Variants in ASH1L observed in about 807,000 individuals in gnomAD.
ASH1L encodes the protein ASH1 like histone lysine methyltransferase.
In ASH1L, 23 loss-of-function variants were observed where a neutral mutation model predicts 269.0. The ratio of observed to expected loss-of-function variants is 0.09; its 90% CI spans 0.06 to 0.12. The LOEUF is 0.12. Among genes scored for constraint, ASH1L ranks in the 10% least tolerant of loss-of-function variants. The pLI is 1.00. For missense variants in ASH1L, 2,912 were observed against 3,567.8 expected (o/e 0.82, Z 4.68); for synonymous variants, 1,187 against 1,253.5 (o/e 0.95, Z 1.12).
intron 1 of ASH1L, among the ~76,000 whole-genome samples, chr1:155,533,018 G>A (rs1184959064): frequency 6.6e-6 from 1 of 151,042 alleles, no homozygotes; most frequent in South Asian, 2.1e-4. Flanking sequence ...GGTCTGGTCT[G>A]AGATACAGAA....
chr1:155,521,433 GC>G lies in ASH1L; in HGVS notation c.86del (p.Gly29AlafsTer9), dbSNP rs769496722. ...CTACTTCTCTCTTACTGACCAATGT[GC>G]CAGTACTGATGGCAGAAGGACTCTT... Reference protein sequence around the residue: ...SRKSPSAISTGTLVSKREVEL... With the variant: ...SRKSPSAISTXTLVSKREVEL... On this transcript the variant is annotated frameshift_variant, in exon 2 of 28. Transcript: ENST00000392403. LOFTEE classifies it high-confidence loss of function. The G allele has an allele frequency of 6.2e-7, 1 of 1,613,902 alleles. No individual in the cohort carries two copies. Among genetic ancestry groups the G allele is most frequent in the South Asian group, 1.1e-5 (1 of 91,064 alleles).
chr1:155,534,245 A>G, intron 1 of ASH1L, among the ~76,000 whole-genome samples: 1 of 150,796 alleles, frequency 6.6e-6, no homozygotes, highest in Non-Finnish European at 1.5e-5. Context: ...GACAATAACA[A>G]GATACAAGCC....
At chr1:155,344,794 A>AC (rs1653105339) in intron 21 of ASH1L, among the ~76,000 whole-genome samples, 1 of 152,160 alleles carries the variant, frequency 6.6e-6, no homozygotes, top group Non-Finnish European at 1.5e-5. Flanking sequence ...CAAGCCACTT[A>AC]CCCTCTCTCC....
intron 15 of ASH1L, among the ~76,000 whole-genome samples, 155 bp downstream of exon 15, chr1:155,357,161 A>G (rs1396455162): frequency 2.2e-5 from 3 of 138,022 alleles, no homozygotes; most frequent in East Asian, 2.4e-4. Context: ...AAAAAAAAAG[A>G]TTGTATTTCT....
Position 155,349,410 on chromosome 1 carries a change from T to A in ASH1L, c.7471A>T (p.Ile2491Leu), listed in dbSNP as rs201853293. The A allele has an allele frequency of 6.2e-7, 1 of 1,614,154 alleles. No individual in the cohort carries two copies. Among genetic ancestry groups the A allele is most frequent in the Non-Finnish European group, 8.5e-7 (1 of 1,180,012 alleles). ...KISDPLDLITIEKQILTGYYK... is the reference protein window; with the variant it reads ...KISDPLDLITLEKQILTGYYK... ...TAACCAGTGAGGATCTGCTTCTCTATGGTGATAAGATCTAGGGGATCAGAG... is the reference window on the plus strand; with the variant it reads ...TAACCAGTGAGGATCTGCTTCTCTAAGGTGATAAGATCTAGGGGATCAGAG... The change falls in exon 19 of 28, where the codon ATA becomes TTA. Residue 2491 changes from isoleucine to leucine, a missense_variant. Physicochemically the swap from Ile to Leu is conservative, Grantham distance 5. Around this residue, in one of 13 missense-constraint regions of ASH1L, gnomAD observed 309 missense variants for 435.1 expected, o/e 0.71. Coordinates refer to ENST00000392403, the MANE Select transcript of ASH1L (RefSeq NM_018489.3).
chr1:155,502,944 C>T (rs72995108), intron 2 of ASH1L, among the ~76,000 whole-genome samples: 244 of 152,240 alleles, frequency 1.6e-3, no homozygotes, highest in African/African-American at 5.7e-3. Flanking sequence ...TAATTCCTAA[C>T]CTTCATAATT....
At chr1:155,498,788 G>A (rs1030781333) in intron 2 of ASH1L, among the ~76,000 whole-genome samples, 2 of 152,018 alleles carry the variant, frequency 1.3e-5, no homozygotes, top group Non-Finnish European at 2.9e-5. Flanking sequence ...GTCTCTCTAT[G>A]TTGCCCAGGC....
intron 6 of ASH1L, among the ~76,000 whole-genome samples, chr1:155,397,761 C>T (rs1340487387): frequency 6.6e-6 from 1 of 152,074 alleles, no homozygotes; most frequent in Non-Finnish European, 1.5e-5. Context: ...AGGGTTTTAT[C>T]ACATTGGCCA....
chr1:155,447,674 T>C (rs1663138894), intron 4 of ASH1L, among the ~76,000 whole-genome samples: 1 of 152,220 alleles, frequency 6.6e-6, no homozygotes, highest in African/African-American at 2.4e-5. Flanking sequence ...TTTTGAGAAA[T>C]ATCTCTTCAG....
chr1:155,555,888 C>T (rs1217554312), intron 1 of ASH1L, among the ~76,000 whole-genome samples: 4 of 150,640 alleles, frequency 2.7e-5, no homozygotes, highest in African/African-American at 9.7e-5. Flanking sequence ...TTTTTAAATA[C>T]TTAAGTATTT....
Position 155,371,129 on chromosome 1 carries a change from A to G in ASH1L, c.6333-146T>C, listed in dbSNP as rs1421708319. 15 of 728,214 alleles carry G rather than the reference A, an allele frequency of 2.1e-5. No individual in the cohort carries two copies. The East Asian group carries it at 4.1e-4, about 20-fold the overall frequency. The allele number at this position is 728,214 out of a possible 1,614,324, so 45.1% of individuals were successfully genotyped here. Reference sequence around the variant, plus strand: ...TACCCGAATCACTAAGATTAAAATAATAAATGTCAAAAATTAATAATATTC... The same window carrying G: ...TACCCGAATCACTAAGATTAAAATAGTAAATGTCAAAAATTAATAATATTC... On this transcript the variant is annotated intron_variant, in intron 10 of 27. Coordinates refer to ENST00000392403, the MANE Select transcript of ASH1L (RefSeq NM_018489.3).
intron 4 of ASH1L, among the ~76,000 whole-genome samples, chr1:155,454,506 G>T (rs1663735062): frequency 6.6e-6 from 1 of 152,132 alleles, no homozygotes; most frequent in South Asian, 2.1e-4. Context: ...GGTGGCTCAG[G>T]CCTGTAATCC....
rs145365788 is a variant in ASH1L at position 155,453,049 on chromosome 1, C to T, written c.5086+6748G>A. 6.0e-3 allele frequency among the ~76,000 whole-genome samples: 913 copies of T among 152,204 alleles called. 8 individuals are homozygous for T. The highest frequency in any genetic ancestry group is 0.021 in the African/African-American group (859 of 41,544). ...CCTAGTAGCCAGCAAAGATTTAAGACTACTCATCACATGTGGCTAAACAGG... is the reference window on the plus strand; with the variant it reads ...CCTAGTAGCCAGCAAAGATTTAAGATTACTCATCACATGTGGCTAAACAGG... On this transcript the variant is annotated intron_variant, in intron 4 of 27. Transcript: ENST00000392403.
chr1:155,516,497 T>G (rs1019727174), intron 2 of ASH1L, among the ~76,000 whole-genome samples: 18 of 152,172 alleles, frequency 1.2e-4, no homozygotes, highest in Admixed American at 2.0e-4. Flanking sequence ...AAAACCTACA[T>G]GCCAAAATCA....
In ASH1L at chr1:155,370,939, T is replaced by C. The variant is rs752241135; in HGVS notation, c.6377A>G (p.Glu2126Gly). The C allele has an allele frequency of 6.2e-7, 1 of 1,614,154 alleles. No individual in the cohort carries two copies. The highest frequency in any genetic ancestry group is 1.1e-5 in the South Asian group (1 of 91,090). Residue 2126 changes from glutamate to glycine, a missense_variant, in exon 11 of 28, where the codon GAG (glutamate) becomes GGG (glycine). Transcript: ENST00000392403. Reference protein sequence around the residue: ...ECSPNTCPCGEQCCNQRIQRH... With the variant: ...ECSPNTCPCGGQCCNQRIQRH... ...CTGTATCCTCTGGTTACAGCATTGC[T>C]CGCCACATGGGCAAGTGTTGGGGGA...
chr1:155,544,586 C>T (rs748842072), intron 1 of ASH1L, among the ~76,000 whole-genome samples: 11 of 151,690 alleles, frequency 7.3e-5, no homozygotes, highest in South Asian at 2.1e-4. Context: ...CGTGCCCGGC[C>T]GAGAAACCCT....
At chr1:155,465,184 C>A (rs2148686018) in intron 3 of ASH1L, among the ~76,000 whole-genome samples, 1 of 151,234 alleles carries the variant, frequency 6.6e-6, no homozygotes. Context: ...GTGGAGGCAT[C>A]CCAAAGAAAT....
At chr1:155,424,433 G>A (rs1441814564) in intron 5 of ASH1L, among the ~76,000 whole-genome samples, 1 of 151,518 alleles carries the variant, frequency 6.6e-6, no homozygotes, top group Non-Finnish European at 1.5e-5. Flanking sequence ...TTGAGACAGA[G>A]TTTCGCTCTT....
chr1:155,528,897 T>C (rs1669458049), intron 1 of ASH1L, among the ~76,000 whole-genome samples: 1 of 152,120 alleles, frequency 6.6e-6, no homozygotes, highest in African/African-American at 2.4e-5. Context: ...TTCCCCTCTA[T>C]GTGTCCATGT....
Sources: gnomAD v4.1 joint callset for allele counts (sites outside exome capture counted in the v4.1 genomes callset) on GRCh38, gnomAD v4.1.1 for gene constraint, gnomAD v4.1.1 regional missense constraint, MANE v1.5 for transcripts, NCBI Gene and HGNC (gene_info 2026-07-23, HGNC 2026-07-21) for gene names.